Variants in HACD3 observed in about 807,000 individuals in gnomAD.
The protein encoded by HACD3 is 3-hydroxyacyl-CoA dehydratase 3.
HACD3 carries 30 observed loss-of-function variants against 55.2 expected under a neutral mutation model. The ratio of observed to expected loss-of-function variants is 0.54; its 90% CI spans 0.41 to 0.74. The LOEUF is 0.74. HACD3 is among the 30% of genes least tolerant of loss of function. The pLI, the probability that HACD3 is intolerant of heterozygous loss-of-function variation, is 0.00. For missense variants in HACD3, 363 were observed against 440.1 expected (o/e 0.82, Z 1.57); for synonymous variants, 141 against 151.7 (o/e 0.93, Z 0.52).
At chr15:65,544,120 T>C (rs56232271) in intron 1 of HACD3, among the ~76,000 whole-genome samples, 80 of 152,008 alleles carry the variant, frequency 5.3e-4, no homozygotes, top group African/African-American at 1.9e-3. Context: ...GAGCTTGCAG[T>C]GAGCCGAGAT....
intron 4 of HACD3, among the ~76,000 whole-genome samples, chr15:65,558,089 G>C (rs751928743): frequency 6.6e-6 from 1 of 152,112 alleles, no homozygotes; most frequent in African/African-American, 2.4e-5. Context: ...TGGAAACCAA[G>C]ATCTGGGTGC....
Position 65,576,643 on chromosome 15 carries a change from A to G in HACD3, c.*264A>G, listed in dbSNP as rs11539009. ...AAAAGGCTCAGCCCACCCCAACCCT[A>G]TCTCATGTTCAGTCTGTCTAATACA... On this transcript the variant is annotated 3_prime_UTR_variant, in exon 11 of 11. Coordinates refer to ENST00000261875, the MANE Select transcript of HACD3 (RefSeq NM_016395.4). The G allele has an allele frequency of 2.1e-6, 1 of 480,188 alleles. No homozygotes were observed. Among genetic ancestry groups the G allele is most frequent in the East Asian group, 3.7e-5 (1 of 26,718 alleles). The allele number at this position is 480,188 out of a possible 1,614,324, so 29.7% of individuals were successfully genotyped here.
chr15:65,570,318 A>T lies in HACD3; in HGVS notation c.773+115A>T, dbSNP rs533083515. On this transcript the variant is annotated intron_variant, in intron 8 of 10. Coordinates refer to ENST00000261875, the MANE Select transcript of HACD3 (RefSeq NM_016395.4). ...TCATTTGGTTTGGGACTAAGATTAC[A>T]TATGTGGAGAATTCTGGTTGCACCT... The T allele has an allele frequency of 1.7e-4, 128 of 743,564 alleles. 2 individuals carry two copies. The South Asian group carries it at 2.3e-3, about 13-fold the overall frequency. The allele number at this position is 743,564 out of a possible 1,614,324, so 46.1% of individuals were successfully genotyped here. A position where few individuals can be genotyped will look rare whatever the true frequency, so the allele number is the denominator to read the frequency against.
Position 65,576,202 on chromosome 15 carries a change from T to C in HACD3, c.1013-101T>C. On this transcript the variant is annotated intron_variant, in intron 10 of 10. Transcript: ENST00000261875. ...TGAGCCGCTGCAATAAGCTTTTTGCTGTGGAATATGACGACAGCTAGATAC... is the reference window on the plus strand; with the variant it reads ...TGAGCCGCTGCAATAAGCTTTTTGCCGTGGAATATGACGACAGCTAGATAC... 4 of 1,499,130 alleles carry C rather than the reference T, an allele frequency of 2.7e-6. No individual in the cohort carries two copies. In the South Asian group the frequency reaches 5.3e-5, roughly 20 times the overall value. 92.9% of individuals were successfully genotyped at this position (1,499,130 alleles called of 1,614,324 possible).
At chr15:65,573,276 T>A (rs1268739503) in intron 10 of HACD3, among the ~76,000 whole-genome samples, 6 of 152,190 alleles carry the variant, frequency 3.9e-5, no homozygotes, top group Non-Finnish European at 2.9e-5. Context: ...AAAGGCTTCC[T>A]AACTATAAGG....
intron 1 of HACD3, among the ~76,000 whole-genome samples, chr15:65,549,354 G>A (rs1008941951): frequency 1.3e-5 from 2 of 150,368 alleles, no homozygotes; most frequent in Non-Finnish European, 3.0e-5. Context: ...TTGGGAGGCC[G>A]AGGTGGGCGG....
At chr15:65,549,177 A>G (rs2072106651) in intron 1 of HACD3, among the ~76,000 whole-genome samples, 1 of 152,152 alleles carries the variant, frequency 6.6e-6, no homozygotes, top group Admixed American at 6.5e-5. Flanking sequence ...GTAGAAATGA[A>G]ATTGGGAACT....
In HACD3 at chr15:65,562,811, T is replaced by G; in HGVS notation, c.459T>G (p.Tyr153Ter). The change falls in exon 6 of 11, where the codon TAT becomes TAG. Residue 153 changes from tyrosine (Y) to a stop codon, truncating the protein, a stop_gained. Coordinates refer to ENST00000261875, the MANE Select transcript of HACD3 (RefSeq NM_016395.4). LOFTEE classifies it high-confidence loss of function. ...TNLRKGYLFM[Y>*]NLVQFLGFSW... ...TAAGGAAAGGATACCTGTTTATGTA[T>G]AATCTTGTGCAATTCTTGGGATTCT... The G allele has an allele frequency of 1.2e-6, 2 of 1,614,012 alleles. No homozygotes were observed. The highest frequency in any genetic ancestry group is 1.7e-6 in the Non-Finnish European group (2 of 1,179,892).
intron 1 of HACD3, among the ~76,000 whole-genome samples, chr15:65,536,696 G>A (rs904505554): frequency 1.3e-5 from 2 of 152,174 alleles, no homozygotes; most frequent in African/African-American, 4.8e-5. Flanking sequence ...GGCTGAAGTT[G>A]GGTGAGCTGA....
intron 7 of HACD3, among the ~76,000 whole-genome samples, chr15:65,567,480 A>G (rs1439175455): frequency 6.6e-6 from 1 of 152,216 alleles, no homozygotes; most frequent in Non-Finnish European, 1.5e-5. Flanking sequence ...ACTCAATATT[A>G]TAATATTGTT....
chr15:65,549,363 G>A (rs1297155928), intron 1 of HACD3, among the ~76,000 whole-genome samples: 6 of 149,776 alleles, frequency 4.0e-5, no homozygotes, highest in Non-Finnish European at 8.9e-5. Flanking sequence ...CGAGGTGGGC[G>A]GATCACAATG....
chr15:65,556,872 A>T lies in HACD3; in HGVS notation c.338A>T (p.Glu113Val), dbSNP rs1396916094. 1 of 1,612,934 alleles carries T rather than the reference A, an allele frequency of 6.2e-7. No homozygotes were observed. The highest frequency in any genetic ancestry group is 8.5e-7 in the Non-Finnish European group (1 of 1,179,492). The part of the protein sequence containing the change: ...LAPDFDRWLD[E>V]SDAEMELRAK... ...CCTGACTTTGATCGTTGGCTGGATG[A>T]ATCTGATGCGGAAATGGAGCTCAGA... is the stretch of plus-strand genomic sequence containing the variant. The change falls in exon 4 of 11, where the codon GAA (glutamate) becomes GTA (valine). Residue 113 changes from glutamate (E) to valine (V), a missense_variant. Glu to Val is a moderately radical substitution (Grantham distance 121). Coordinates refer to ENST00000261875, the MANE Select transcript of HACD3 (RefSeq NM_016395.4).
intron 7 of HACD3, among the ~76,000 whole-genome samples, chr15:65,567,573 C>T (rs943844181): frequency 5.3e-5 from 8 of 152,060 alleles, no homozygotes; most frequent in African/African-American, 1.9e-4. Context: ...AATTCTGAAG[C>T]TTTTTGAAAA....
intron 1 of HACD3, among the ~76,000 whole-genome samples, chr15:65,545,675 C>A (rs1319333152): frequency 6.6e-6 from 1 of 151,244 alleles, no homozygotes; most frequent in Non-Finnish European, 1.5e-5. Context: ...AGGATGGCCT[C>A]TATCTCCTGA....
In HACD3 at chr15:65,562,799, C is replaced by A; in HGVS notation, c.447C>A (p.Tyr149Ter). 1 of 1,613,756 alleles carries A rather than the reference C, an allele frequency of 6.2e-7. No homozygotes were observed. The highest frequency in any genetic ancestry group is 8.5e-7 in the Non-Finnish European group (1 of 1,179,836). Residue 149 changes from tyrosine (Y) to a stop codon, truncating the protein, a stop_gained, in exon 6 of 11, where the codon TAC (tyrosine) becomes TAA (stop). Transcript: ENST00000261875. LOFTEE classifies it high-confidence loss of function. ...PETLTNLRKG[Y>*]LFMYNLVQFL... The stretch of plus-strand genomic sequence containing the variant: ...CTCTTACAAACTTAAGGAAAGGATA[C>A]CTGTTTATGTATAATCTTGTGCAAT...
chr15:65,532,201 G>A (rs1208523396), intron 1 of HACD3, among the ~76,000 whole-genome samples: 1 of 152,152 alleles, frequency 6.6e-6, no homozygotes, highest in Non-Finnish European at 1.5e-5. Context: ...CAGAGTATGA[G>A]TAAATGTTCT....
At position 65,558,663 on chromosome 15, in the gene HACD3, T is replaced by G; in HGVS notation, c.370-17T>G. ...ATTCTAACTTGTGTTCTTGGAAAACTTTTGTCTAAATTCTAGGAAGAAGAG... is the reference window on the plus strand; with the variant it reads ...ATTCTAACTTGTGTTCTTGGAAAACGTTTGTCTAAATTCTAGGAAGAAGAG... On this transcript the variant is annotated splice_polypyrimidine_tract_variant and intron_variant, in intron 4 of 10. Coordinates refer to ENST00000261875, the MANE Select transcript of HACD3 (RefSeq NM_016395.4). 1.9e-6 allele frequency: 3 copies of G among 1,584,928 alleles called. No individual in the cohort carries two copies. Among genetic ancestry groups the G allele is most frequent in the Non-Finnish European group, 2.6e-6 (3 of 1,164,878 alleles).
intron 1 of HACD3, among the ~76,000 whole-genome samples, chr15:65,533,452 C>A (rs1163136940): frequency 1.3e-5 from 2 of 152,096 alleles, no homozygotes; most frequent in Admixed American, 6.5e-5. Flanking sequence ...TCAATTTGGC[C>A]AAAGGGTGTT....
intron 8 of HACD3, 46 bp from the exon 9 acceptor site, chr15:65,571,502 G>A (rs373044839): frequency 5.0e-6 from 7 of 1,403,908 alleles, no homozygotes; most frequent in South Asian, 2.4e-5. Flanking sequence ...GGTTGCATTC[G>A]GAACCTGAAG....
Sources: gnomAD v4.1 joint callset for allele counts (sites outside exome capture counted in the v4.1 genomes callset) on GRCh38, gnomAD v4.1.1 for gene constraint, MANE v1.5 for transcripts, NCBI Gene and HGNC (gene_info 2026-07-23, HGNC 2026-07-21) for gene names.